The following NTM variants were observed in gnomAD, a reference collection of about 807,000 sequenced individuals.
NTM encodes the protein IgLON family member 2.
A neutral mutation model predicts 42.1 loss-of-function variants in NTM; 13 were observed. The observed-to-expected ratio is 0.31, with a 90% confidence interval of 0.20 to 0.49. NTM has a LOEUF of 0.49. Ranked by LOEUF, NTM falls within the 20% of genes least tolerant of loss-of-function variation. NTM has a pLI of 0.99. For synonymous variants in NTM, 187 were observed against 179.2 expected (o/e 1.04, Z -0.35); for missense variants, 373 against 452.8 (o/e 0.82, Z 1.60).
chr11:131,833,442 G>A (rs1271836518), intron 1 of NTM, among the ~76,000 whole-genome samples: 4 of 152,180 alleles, frequency 2.6e-5, no homozygotes, highest in South Asian at 2.1e-4. Flanking sequence ...TTACAGGGAA[G>A]AAAACTAAAG....
chr11:131,956,668 C>T (rs2061592035), intron 2 of NTM, among the ~76,000 whole-genome samples: 1 of 152,092 alleles, frequency 6.6e-6, no homozygotes, highest in African/African-American at 2.4e-5. Flanking sequence ...TCCCTTTCTT[C>T]CAGCTCCGGT....
At chr11:131,980,047 G>A (rs1421129643) in intron 2 of NTM, among the ~76,000 whole-genome samples, 2 of 152,192 alleles carry the variant, frequency 1.3e-5, no homozygotes, top group African/African-American at 2.4e-5. Context: ...ATTCCTTGCT[G>A]TTTTGAAACT....
At chr11:131,981,606 G>C (rs76919920) in intron 2 of NTM, 119 of 152,254 alleles carry the variant, frequency 7.8e-4, no homozygotes, top group African/African-American at 2.7e-3. Flanking sequence ...GACACACATC[G>C]TCTTATCATT....
intron 1 of NTM, among the ~76,000 whole-genome samples, chr11:131,642,282 C>G (rs2065236483): frequency 6.6e-6 from 1 of 152,132 alleles, no homozygotes; most frequent in South Asian, 2.1e-4. Flanking sequence ...GCATCCTCCA[C>G]ACATTAGAGA....
At chr11:131,742,620 A>G (rs1249926770) in intron 1 of NTM, among the ~76,000 whole-genome samples, 1 of 152,162 alleles carries the variant, frequency 6.6e-6, no homozygotes, top group Admixed American at 6.5e-5. Flanking sequence ...GTCAATTGTA[A>G]TATGTTGTGA....
chr11:131,874,040 T>TAATATA (rs1191686994), intron 1 of NTM, among the ~76,000 whole-genome samples: 1 of 34,088 alleles, frequency 2.9e-5, no homozygotes, highest in African/African-American at 2.6e-4. Flanking sequence ...AATATATATA[T>TAATATA]ATATATATAT....
At chr11:131,628,552 A>AC (rs2063344094) in intron 1 of NTM, among the ~76,000 whole-genome samples, 1 of 152,142 alleles carries the variant, frequency 6.6e-6, no homozygotes, top group Non-Finnish European at 1.5e-5. Flanking sequence ...CTGCCCTTCA[A>AC]CTTTATTTTG....
intron 1 of NTM, among the ~76,000 whole-genome samples, chr11:131,412,741 G>GT (rs1383225907): frequency 6.6e-6 from 1 of 152,066 alleles, no homozygotes; most frequent in African/African-American, 2.4e-5. Flanking sequence ...CTACAAAGTG[G>GT]TTTTTAAAAA....
chr11:131,453,454 C>T (rs960142922), intron 1 of NTM, among the ~76,000 whole-genome samples: 2 of 151,724 alleles, frequency 1.3e-5, no homozygotes, highest in South Asian at 2.1e-4. Context: ...AGTATTATTC[C>T]CTGCATGAAG....
chr11:131,960,619 A>AC (rs2062054973), intron 2 of NTM, among the ~76,000 whole-genome samples: 1 of 152,206 alleles, frequency 6.6e-6, no homozygotes, highest in Non-Finnish European at 1.5e-5. Context: ...GGGATGCTGG[A>AC]CCCAAGAGTC....
chr11:131,390,001 T>C (rs1943806077), intron 1 of NTM, among the ~76,000 whole-genome samples: 1 of 152,116 alleles, frequency 6.6e-6, no homozygotes, highest in African/African-American at 2.4e-5. Context: ...TCTCTCTGGG[T>C]GCTTGTGTTG....
chr11:131,662,680 G>C (rs2068290412), intron 1 of NTM, among the ~76,000 whole-genome samples: 1 of 152,102 alleles, frequency 6.6e-6, no homozygotes, highest in African/African-American at 2.4e-5. Context: ...CGTGTTCACA[G>C]AAGAAGGGCT....
chr11:132,196,460 G>C (rs547735178), intron 3 of NTM, among the ~76,000 whole-genome samples: 2 of 151,990 alleles, frequency 1.3e-5, no homozygotes, highest in South Asian at 4.2e-4. Flanking sequence ...ACAAGGAAAA[G>C]AAATTGTCCC....
intron 2 of NTM, among the ~76,000 whole-genome samples, chr11:132,073,174 C>T (rs991187131): frequency 6.6e-6 from 1 of 152,078 alleles, no homozygotes; most frequent in Non-Finnish European, 1.5e-5. Context: ...ACTAAGTGTC[C>T]TCTGTATTAA....
intron 1 of NTM, among the ~76,000 whole-genome samples, chr11:131,865,465 C>T (rs536826685): frequency 1.3e-4 from 20 of 152,338 alleles, no homozygotes; most frequent in Middle Eastern, 3.4e-3. Flanking sequence ...ATTGTGCTCA[C>T]CCAGCCTAAC....
At chr11:131,409,921 A>G (rs1435703126) in intron 1 of NTM, among the ~76,000 whole-genome samples, 1 of 152,182 alleles carries the variant, frequency 6.6e-6, no homozygotes, top group Admixed American at 6.5e-5. Context: ...GCAGCCTCCC[A>G]TGGCACAGCA....
intron 4 of NTM, among the ~76,000 whole-genome samples, chr11:132,264,893 T>C (rs537178800): frequency 1.3e-5 from 2 of 152,256 alleles, no homozygotes; most frequent in East Asian, 3.9e-4. Flanking sequence ...ACAGCTCAAG[T>C]CTCCCTTCTC....
intron 2 of NTM, among the ~76,000 whole-genome samples, chr11:131,948,895 C>T (rs997191637): frequency 3.3e-5 from 5 of 152,124 alleles, no homozygotes; most frequent in Admixed American, 6.5e-5. Context: ...AATACAGTAC[C>T]GTTAATTCTA....
Position 131,630,099 on chromosome 11 carries a change from A to G in NTM, c.82+259211A>G, listed in dbSNP as rs2063498400. ...TTTAGGAAAATTATTGGAAGCTCCC[A>G]CACAACCCTCCTGCTAGCTGGAGCT... On this transcript the variant is annotated intron_variant, in intron 1 of 8. Coordinates refer to ENST00000683400, the MANE Select transcript of NTM (RefSeq NM_001352005.2). 3.3e-5 allele frequency among the ~76,000 whole-genome samples: 5 copies of G among 152,268 alleles called. No individual in the cohort carries two copies. In the South Asian group the frequency reaches 1.0e-3, roughly 32 times the overall value.
Sources: allele counts gnomAD v4.1 joint callset (sites outside exome capture counted in the v4.1 genomes callset), GRCh38; gene constraint gnomAD v4.1.1; transcripts MANE v1.5; gene names NCBI Gene and HGNC (gene_info 2026-07-23, HGNC 2026-07-21).